Variants in ABI3BP observed in about 807,000 individuals in gnomAD.
ABI3BP encodes the protein ABI family member 3 binding protein, also known as target of Nesh-SH3.
In ABI3BP, 216 loss-of-function variants were observed where a neutral mutation model predicts 268.6. That is an observed-to-expected ratio of 0.80 (90% CI 0.72 to 0.90). The LOEUF is 0.90. ABI3BP is among the 40% of genes least tolerant of loss of function. ABI3BP has a pLI of 0.00. For missense variants in ABI3BP, 2,090 were observed against 2,182.4 expected (o/e 0.96, Z 0.84); for synonymous variants, 730 against 730.0 (o/e 1.00, Z 0.00).
chr3:100,846,467 A>G, intron 19 of ABI3BP, 21 bp from the exon 20 acceptor site: 1 of 1,528,062 alleles, frequency 6.5e-7, no homozygotes, highest in Non-Finnish European at 8.9e-7. Context: ...AAAGAAACAA[A>G]ATAATAAACA....
At chr3:100,816,213 C>G in intron 43 of ABI3BP, 1 of 486,830 alleles carries the variant, frequency 2.1e-6, no homozygotes, top group Non-Finnish European at 3.6e-6. Flanking sequence ...ATGAGGTTTT[C>G]CTAGGTATTT....
intron 1 of ABI3BP, among the ~76,000 whole-genome samples, chr3:100,990,600 T>C (rs569273855): frequency 6.7e-6 from 1 of 148,754 alleles, no homozygotes; most frequent in East Asian, 1.9e-4. Flanking sequence ...ATAATATATA[T>C]ATAAAATATG....
intron 12 of ABI3BP, chr3:100,863,494 T>G (rs535743343): frequency 6.4e-6 from 1 of 157,096 alleles, no homozygotes; most frequent in African/African-American, 2.4e-5. Context: ...TTTTGTATTT[T>G]TAATAGAGAC....
chr3:100,770,453 A>G (rs2096510151), intron 62 of ABI3BP, among the ~76,000 whole-genome samples: 1 of 152,202 alleles, frequency 6.6e-6, no homozygotes, highest in Admixed American at 6.5e-5. Context: ...TGGATAATGA[A>G]AGACTAGCTT....
intron 27 of ABI3BP, 134 bp downstream of exon 27, chr3:100,836,990 G>GA (rs943369369): frequency 1.4e-5 from 12 of 827,678 alleles, no homozygotes; most frequent in African/African-American, 7.0e-5. Flanking sequence ...GGCCCCTGTT[G>GA]AAAATAGTGA....
At chr3:100,761,263 A>C (rs1396864490) in intron 63 of ABI3BP, among the ~76,000 whole-genome samples, 1 of 152,178 alleles carries the variant, frequency 6.6e-6, no homozygotes, top group Non-Finnish European at 1.5e-5. Flanking sequence ...GGGGTGAGAG[A>C]GGGATCCCCT....
chr3:100,846,189 G>A (rs1331197045), intron 20 of ABI3BP, among the ~76,000 whole-genome samples, 183 bp downstream of exon 20: 1 of 152,134 alleles, frequency 6.6e-6, no homozygotes, highest in Admixed American at 6.6e-5. Context: ...ACATTGCTGA[G>A]AGCAATGCTG....
chr3:100,843,291 C>G (rs1023127414), intron 20 of ABI3BP, among the ~76,000 whole-genome samples: 1 of 152,038 alleles, frequency 6.6e-6, no homozygotes, highest in Non-Finnish European at 1.5e-5. Context: ...TTTAAAAGCC[C>G]CGAATTCTGA....
rs1339913698 is a variant in ABI3BP at position 100,864,037 on chromosome 3, A to C, written c.1103T>G (p.Leu368Arg). The change falls in exon 12 of 68, where the codon CTA (leucine) becomes CGA (arginine). Residue 368 changes from leucine to arginine, a missense_variant. Physicochemically the swap from Leu to Arg is moderately radical, Grantham distance 102. Transcript: ENST00000471714. ...CAGTGGCAATTCAAACTGAGGTATT[A>C]GAATAGTTTGCAATGTTTCCGGGGT... Reference protein sequence around the residue: ...KRTPETLQTILIPQFELPLST... With the variant: ...KRTPETLQTIRIPQFELPLST... 6.5e-7 allele frequency: 1 copy of C among 1,536,196 alleles called. No individual in the cohort carries two copies. The highest frequency in any genetic ancestry group is 2.0e-5 in the Admixed American group (1 of 51,014).
At chr3:100,799,912 T>A (rs2097474740) in intron 51 of ABI3BP, among the ~76,000 whole-genome samples, 1 of 152,194 alleles carries the variant, frequency 6.6e-6, no homozygotes, top group Non-Finnish European at 1.5e-5. Context: ...AGTTAGGGTC[T>A]TCCCACTCAA....
At chr3:100,865,365 G>T (rs2099039619) in intron 10 of ABI3BP, among the ~76,000 whole-genome samples, 1 of 152,124 alleles carries the variant, frequency 6.6e-6, no homozygotes, top group African/African-American at 2.4e-5. Context: ...CTTACTTAGA[G>T]CTACCACATT....
In ABI3BP at chr3:100,750,033, C is replaced by CAGAT. The variant is rs2095234405; in HGVS notation, c.*458_*461dup. On this transcript the variant is annotated 3_prime_UTR_variant, in exon 68 of 68. Coordinates refer to ENST00000471714, the MANE Select transcript of ABI3BP (RefSeq NM_001375547.2). Reference sequence around the variant, plus strand: ...TGTGAAAATTCGGACCTTTTTTCCCCAGATATACATGCTGAAGATAATTTG... The same window carrying CAGAT: ...TGTGAAAATTCGGACCTTTTTTCCCCAGATAGATATACATGCTGAAGATAATTTG... The CAGAT allele has an allele frequency of 6.8e-6, 2 of 293,426 alleles. No homozygotes were observed. The highest frequency in any genetic ancestry group is 1.2e-5 in the Non-Finnish European group (2 of 161,308). The allele number at this position is 293,426 out of a possible 1,614,324, so 18.2% of individuals were successfully genotyped here.
intron 1 of ABI3BP, among the ~76,000 whole-genome samples, chr3:100,975,805 A>T (rs1054763949): frequency 1.3e-5 from 2 of 151,726 alleles, no homozygotes; most frequent in South Asian, 2.1e-4. Context: ...ACTAGTAAAT[A>T]AAAAAACCCC....
At chr3:100,897,200 A>G (rs1378755314) in intron 4 of ABI3BP, among the ~76,000 whole-genome samples, 1 of 152,206 alleles carries the variant, frequency 6.6e-6, no homozygotes, top group African/African-American at 2.4e-5. Flanking sequence ...ACAACACAAA[A>G]TGCTGCTTTA....
chr3:100,751,750 T>A, intron 66 of ABI3BP, 76 bp from the exon 67 acceptor site: 2 of 1,408,042 alleles, frequency 1.4e-6, no homozygotes, highest in East Asian at 5.1e-5. Context: ...TCATCATTAC[T>A]GTTTTTGTAC....
chr3:100,934,929 C>T (rs371977782), intron 1 of ABI3BP, among the ~76,000 whole-genome samples: 1 of 152,160 alleles, frequency 6.6e-6, no homozygotes, highest in Non-Finnish European at 1.5e-5. Context: ...CTGTAGGTTG[C>T]CTGTTCACTC....
chr3:100,790,315 C>T (rs1309548079), intron 55 of ABI3BP, among the ~76,000 whole-genome samples: 1 of 151,966 alleles, frequency 6.6e-6, no homozygotes. Context: ...CTATTCCATG[C>T]TGCTTCTCCT....
intron 58 of ABI3BP, among the ~76,000 whole-genome samples, chr3:100,778,973 A>G (rs913237198): frequency 1.3e-5 from 2 of 152,190 alleles, no homozygotes; most frequent in African/African-American, 2.4e-5. Context: ...AGAATTTAAC[A>G]TCTTTCATTT....
intron 1 of ABI3BP, among the ~76,000 whole-genome samples, chr3:100,976,328 A>G (rs2153912694): frequency 6.6e-6 from 1 of 152,270 alleles, no homozygotes; most frequent in Admixed American, 6.5e-5. Flanking sequence ...TTTTTGATAA[A>G]ACACTTCTGG....
Sources: allele counts gnomAD v4.1 joint callset (sites outside exome capture counted in the v4.1 genomes callset), GRCh38; gene constraint gnomAD v4.1.1; transcripts MANE v1.5; gene names NCBI Gene and HGNC (gene_info 2026-07-23, HGNC 2026-07-21).